Variants in FURIN observed in about 807,000 individuals in gnomAD.
FURIN encodes the protein furin, paired basic amino acid cleaving enzyme, also known as FES upstream region.
A neutral mutation model predicts 89.2 loss-of-function variants in FURIN; 18 were observed. That is an observed-to-expected ratio of 0.20 (90% CI 0.14 to 0.30). The LOEUF is 0.30. Among genes scored for constraint, FURIN ranks in the 10% least tolerant of loss-of-function variants. FURIN has a pLI of 1.00. For synonymous variants in FURIN, 508 were observed against 466.4 expected, an observed-to-expected ratio of 1.09 and a Z score of -1.15; for missense variants, 879 against 1,100.5, an observed-to-expected ratio of 0.80 and a Z score of 2.85.
In FURIN at chr15:90,881,317, G is replaced by A; in HGVS notation, c.1824G>A (p.Lys608=). 1.2e-6 allele frequency: 2 copies of A among 1,607,794 alleles called. No individual in the cohort carries two copies. The highest frequency in any genetic ancestry group is 1.7e-6 in the Non-Finnish European group (2 of 1,176,102). Residue 608 remains lysine (K), a synonymous_variant, in exon 16 of 16, where the codon AAG becomes AAA. Coordinates refer to ENST00000268171, the MANE Select transcript of FURIN (RefSeq NM_002569.4). The surrounding 1 kb of genome is among the most constrained non-coding windows in gnomAD (Gnocchi z 4.3). The part of the protein sequence containing the change: ...VCEEGFSLHQ[K]SCVQHCPPGF... ...AGGAAGGCTTCTCCCTGCACCAGAAGAGCTGTGTCCAGCACTGCCCTCCAG... is the reference window on the plus strand; with the variant it reads ...AGGAAGGCTTCTCCCTGCACCAGAAAAGCTGTGTCCAGCACTGCCCTCCAG...
chr15:90,880,128 G>A lies in FURIN; in HGVS notation c.1411G>A (p.Val471Met), dbSNP rs774572749. 6 of 1,608,632 alleles carry A rather than the reference G, an allele frequency of 3.7e-6. No individual in the cohort carries two copies. The African/African-American group carries it at 4.0e-5, about 11-fold the overall frequency. Residue 471 changes from valine to methionine, a missense_variant, in exon 13 of 16, where the codon GTG (valine) becomes ATG (methionine). By Grantham distance (21) the Val-to-Met change is conservative. Transcript: ENST00000268171. ...GAAACGGCTCGAGGTGCGGAAGACCGTGACCGCGTGCCTGGGCGAGCCCAA... is the reference window on the plus strand; with the variant it reads ...GAAACGGCTCGAGGTGCGGAAGACCATGACCGCGTGCCTGGGCGAGCCCAA... ...IGKRLEVRKT[V>M]TACLGEPNHI...
chr15:90,875,885 G>A lies in FURIN; in HGVS notation c.145G>A (p.Ala49Thr), dbSNP rs770942274. Residue 49 changes from alanine to threonine, a missense_variant, in exon 2 of 16, where the codon GCA becomes ACA. This residue lies in a region of FURIN where 125 missense variants were observed against 125.0 expected (regional missense o/e 1.00). Coordinates refer to ENST00000268171, the MANE Select transcript of FURIN (RefSeq NM_002569.4). ...AGGCCCAGCGGTGGCCAACAGTGTGGCACGGAAGCATGGGTTCCTCAACCT... is the reference window on the plus strand; with the variant it reads ...AGGCCCAGCGGTGGCCAACAGTGTGACACGGAAGCATGGGTTCCTCAACCT... ...PGGPAVANSV[A>T]RKHGFLNLGQ... 2 of 1,590,226 alleles carry A rather than the reference G, an allele frequency of 1.3e-6. No homozygotes were observed. The highest frequency in any genetic ancestry group is 1.7e-6 in the Non-Finnish European group (2 of 1,169,548).
chr15:90,880,597 G>T (rs1158304480), intron 13 of FURIN, 94 bp from the exon 14 acceptor site: 12 of 1,402,646 alleles, frequency 8.6e-6, no homozygotes, highest in Non-Finnish European at 1.2e-5. Flanking sequence ...TGGTCTGCGT[G>T]GGGGAAGGGT....
Position 90,881,685 on chromosome 15 carries a change from C to T in FURIN, c.2192C>T (p.Thr731Ile), listed in dbSNP as rs771306870. Residue 731 changes from threonine to isoleucine, a missense_variant, in exon 16 of 16, where the codon ACT (threonine) becomes ATT (isoleucine). By Grantham distance (89) the Thr-to-Ile change is moderately conservative. This residue lies in a region of FURIN where 457 missense variants were observed against 490.7 expected (regional missense o/e 0.93). Transcript: ENST00000268171. The surrounding 1 kb of genome is among the most constrained non-coding windows in gnomAD (Gnocchi z 4.3). ...GCCTTCATCGTGCTGGTCTTCGTCA[C>T]TGTCTTCCTGGTCCTGCAGCTGCGC... Reference protein sequence around the residue: ...SCAFIVLVFVTVFLVLQLRSG... With the variant: ...SCAFIVLVFVIVFLVLQLRSG... 5.0e-6 allele frequency: 8 copies of T among 1,588,490 alleles called. No individual in the cohort carries two copies. In the Admixed American group the frequency reaches 5.2e-5, roughly 10 times the overall value.
Position 90,882,017 on chromosome 15 carries a change from T to G in FURIN, c.*139T>G. 8 of 656,620 alleles carry G rather than the reference T, an allele frequency of 1.2e-5. No homozygotes were observed. Among genetic ancestry groups the G allele is most frequent in the Non-Finnish European group, 1.3e-5 (5 of 382,098 alleles). 40.7% of individuals were successfully genotyped at this position (656,620 alleles called of 1,614,324 possible). On this transcript the variant is annotated 3_prime_UTR_variant, in exon 16 of 16. Transcript: ENST00000268171. ...GTGGAGACTGCTTCCCATCCTACCC[T>G]CGGGCCCACCTGGCCACCTGAGGTG...
At chr15:90,871,244 T>TC (rs971067290) in intron 1 of FURIN, among the ~76,000 whole-genome samples, 1 of 151,934 alleles carries the variant, frequency 6.6e-6, no homozygotes, top group Non-Finnish European at 1.5e-5. Context: ...TCGGAGTGCC[T>TC]CCCCCAAGCC....
chr15:90,869,972 C>T (rs1338028199), intron 1 of FURIN, among the ~76,000 whole-genome samples: 2 of 152,214 alleles, frequency 1.3e-5, no homozygotes, highest in Non-Finnish European at 2.9e-5. Context: ...GCTGGCGCTA[C>T]CCAGTGTGGC....
chr15:90,878,680 C>T, intron 8 of FURIN, 84 bp from the exon 9 acceptor site: 1 of 785,206 alleles, frequency 1.3e-6, no homozygotes. Flanking sequence ...GAGGCTCCAG[C>T]CTTCCCAGTT....
Position 90,880,736 on chromosome 15 carries a change from G to A in FURIN, c.1602G>A (p.Met534Ile). 1 of 1,614,108 alleles carries A rather than the reference G, an allele frequency of 6.2e-7. No homozygotes were observed. Among genetic ancestry groups the A allele is most frequent in the Non-Finnish European group, 8.5e-7 (1 of 1,179,992 alleles). The change falls in exon 14 of 16, where the codon ATG becomes ATA. Residue 534 changes from methionine to isoleucine, a missense_variant. Physicochemically the swap from Met to Ile is conservative, Grantham distance 10. Coordinates refer to ENST00000268171, the MANE Select transcript of FURIN (RefSeq NM_002569.4). Reference sequence around the variant, plus strand: ...ATGGGTTTAATGACTGGGCCTTCATGACAACTCATTCCTGGGATGAGGATC... The same window carrying A: ...ATGGGTTTAATGACTGGGCCTTCATAACAACTCATTCCTGGGATGAGGATC... ...SADGFNDWAF[M>I]TTHSWDEDPS... is the part of the protein sequence containing the mutation.
At position 90,883,443 on chromosome 15, in the gene FURIN, G is replaced by A. The variant is rs1475996116; in HGVS notation, c.*1565G>A. On this transcript the variant is annotated 3_prime_UTR_variant, in exon 16 of 16. Coordinates refer to ENST00000268171, the MANE Select transcript of FURIN (RefSeq NM_002569.4). ...AGGTTTTAAAGTGATTAAACGTGCAGACTATGCAAACCAGGCCCAGTCTCC... is the reference window on the plus strand; with the variant it reads ...AGGTTTTAAAGTGATTAAACGTGCAAACTATGCAAACCAGGCCCAGTCTCC... The A allele has an allele frequency of 1.2e-4, 18 of 152,598 alleles. No individual in the cohort carries two copies. Among genetic ancestry groups the A allele is most frequent in the Admixed American group, 6.5e-4 (10 of 15,286 alleles). The allele number at this position is 152,598 out of a possible 1,614,324, so 9.5% of individuals were successfully genotyped here.
At chr15:90,869,436 AGAG>A in intron 1 of FURIN, among the ~76,000 whole-genome samples, 1 of 152,362 alleles carries the variant, frequency 6.6e-6, no homozygotes, top group Non-Finnish European at 1.5e-5. Context: ...AGTCTCACAG[AGAG>A]TGGCTTTCAA....
rs2031645129 is a variant in FURIN, at chr15:90,876,629, G to A, written c.372+72G>A. The A allele has an allele frequency of 3.8e-6, 4 of 1,040,084 alleles. No individual in the cohort carries two copies. Among genetic ancestry groups the A allele is most frequent in the Middle Eastern group, 2.0e-4 (1 of 4,884 alleles). The allele number at this position is 1,040,084 out of a possible 1,614,324, so 64.4% of individuals were successfully genotyped here. On this transcript the variant is annotated intron_variant, in intron 4 of 15. Transcript: ENST00000268171. This position sits in a 1 kb window ranked among gnomAD's most constrained non-coding sequence, Gnocchi z 5.0. ...TCCACCCACTATGAGCTCTTGGATGGAGGAGGCTGTCTTCGAGGCCTCCTC... is the reference window on the plus strand; with the variant it reads ...TCCACCCACTATGAGCTCTTGGATGAAGGAGGCTGTCTTCGAGGCCTCCTC...
chr15:90,873,713 C>T (rs185337865), intron 1 of FURIN, among the ~76,000 whole-genome samples: 3 of 152,276 alleles, frequency 2.0e-5, no homozygotes, highest in African/African-American at 7.2e-5. Context: ...TTTCTGGAAC[C>T]AACCACCCAA....
Position 90,881,001 on chromosome 15 carries a change from A to G in FURIN, c.1753A>G (p.Ser585Gly). The change falls in exon 15 of 16, where the codon AGT becomes GGT. Residue 585 changes from serine (S) to glycine (G), a missense_variant. Transcript: ENST00000268171. The surrounding 1 kb of genome is among the most constrained non-coding windows in gnomAD (Gnocchi z 4.3). ...PEGLPVPPES[S>G]GCKTLTSSQA... ...GGGGCTGCCCGTACCTCCAGAAAGC[A>G]GTGGCTGCAAGACCCTCACGTCCAG... is the stretch of plus-strand genomic sequence containing the variant. 5 of 1,614,016 alleles carry G rather than the reference A, an allele frequency of 3.1e-6. No individual in the cohort carries two copies. Among genetic ancestry groups the G allele is most frequent in the Non-Finnish European group, 4.2e-6 (5 of 1,179,900 alleles).
At chr15:90,874,269 G>T (rs1056586664) in intron 1 of FURIN, among the ~76,000 whole-genome samples, 2 of 152,232 alleles carry the variant, frequency 1.3e-5, no homozygotes, top group Non-Finnish European at 2.9e-5. Context: ...AACAACACTC[G>T]GACTATTGAT....
At chr15:90,872,894 TG>T (rs2031395764) in intron 1 of FURIN, 1 of 152,336 alleles carries the variant, frequency 6.6e-6, no homozygotes, top group African/African-American at 2.4e-5. Flanking sequence ...CAGTCGGTCC[TG>T]GGGTGAGGCG....
At chr15:90,870,659 C>T (rs1346822913) in intron 1 of FURIN, among the ~76,000 whole-genome samples, 4 of 152,206 alleles carry the variant, frequency 2.6e-5, no homozygotes, top group African/African-American at 7.2e-5. Flanking sequence ...CAGCGTCGGC[C>T]TCAGCCAAGT....
At position 90,878,898 on chromosome 15, in the gene FURIN, C is replaced by T. The variant is rs755752719; in HGVS notation, c.975C>T (p.Asn325=). The T allele has an allele frequency of 1.5e-5, 24 of 1,612,884 alleles. No individual in the cohort carries two copies. The highest frequency in any genetic ancestry group is 2.2e-5 in the South Asian group (2 of 91,068). The change falls in exon 9 of 16, where the codon AAC becomes AAT. Residue 325 remains asparagine, a synonymous_variant. Transcript: ENST00000268171. ...TCAGCAGCGCCACGCAGTTTGGCAA[C>T]GTGCCGTGGTACAGCGAGGCCTGCT... The part of the protein sequence containing the change: ...LSISSATQFG[N]VPWYSEACSS...
chr15:90,878,352 T>G (rs770616076), intron 8 of FURIN, 48 bp downstream of exon 8: 44 of 1,426,850 alleles, frequency 3.1e-5, no homozygotes, highest in Non-Finnish European at 3.9e-5. Flanking sequence ...GGGTGCTGTC[T>G]TCCGTACCTA....
Sources: allele counts gnomAD v4.1 joint callset (sites outside exome capture counted in the v4.1 genomes callset), GRCh38; gene constraint gnomAD v4.1.1; regional missense constraint gnomAD v4.1.1; non-coding constraint Gnocchi (gnomAD v3.1); transcripts MANE v1.5; gene names NCBI Gene and HGNC (gene_info 2026-07-23, HGNC 2026-07-21).